HIVEP1: variants seen among roughly 807,000 people sequenced by gnomAD.
The protein encoded by HIVEP1 is zinc finger protein 40.
Under a neutral mutation model 180.0 loss-of-function variants are expected in HIVEP1, and 36 were observed. That is an observed-to-expected ratio of 0.20 (90% CI 0.15 to 0.26). HIVEP1 has a LOEUF of 0.26. Ranked by LOEUF, HIVEP1 falls within the 10% of genes least tolerant of loss-of-function variation. HIVEP1 has a pLI of 1.00. For synonymous variants in HIVEP1, 1,239 were observed against 1,239.0 expected, an observed-to-expected ratio of 1.00 and a Z score of 0.00; for missense variants, 3,143 against 3,268.7, an observed-to-expected ratio of 0.96 and a Z score of 0.94.
chr6:12,180,831 T>A, the HIVEP1 span, among the ~76,000 whole-genome samples: 7 of 152,324 alleles, frequency 4.6e-5, no homozygotes, highest in Admixed American at 4.6e-4. Flanking sequence ...TGGTAAAGGA[T>A]CTTTTATTGT....
chr6:12,122,860 G>C lies in HIVEP1; in HGVS notation c.3065G>C (p.Trp1022Ser). 6.2e-7 allele frequency: 1 copy of C among 1,614,162 alleles called. No homozygotes were observed. Among genetic ancestry groups the C allele is most frequent in the Non-Finnish European group, 8.5e-7 (1 of 1,180,026 alleles). ...HYRVAGSSGI[W>S]EQTPQIRKRR... ...AGAGTCGCTGGGTCCTCCGGCATCT[G>C]GGAACAGACGCCCCAGATAAGAAAA... is the stretch of plus-strand genomic sequence containing the variant. The change falls in exon 4 of 9, where the codon TGG (tryptophan) becomes TCG (serine). Residue 1022 changes from tryptophan to serine, a missense_variant. Trp to Ser is a radical substitution (Grantham distance 177). Coordinates refer to ENST00000379388, the MANE Select transcript of HIVEP1 (RefSeq NM_002114.4).
chr6:12,095,808 A>G (rs571842525), intron 3 of HIVEP1, among the ~76,000 whole-genome samples: 3 of 152,084 alleles, frequency 2.0e-5, no homozygotes, highest in Non-Finnish European at 2.9e-5. Context: ...AATCAAGCCC[A>G]TGTCTTGGAC....
chr6:12,161,453 T>G lies in HIVEP1; in HGVS notation c.6502T>G (p.Phe2168Val). ...DTEESDEKQR[F>V]SYERSGYDLE... Reference sequence around the variant, plus strand: ...GTTTTTATTAGATGAAAAACAGAGATTCAGTTATGAGCGATCTGGATATGA... The same window carrying G: ...GTTTTTATTAGATGAAAAACAGAGAGTCAGTTATGAGCGATCTGGATATGA... Residue 2168 changes from phenylalanine (F) to valine (V), a missense_variant, in exon 8 of 9, where the codon TTC becomes GTC. This residue lies in a region of HIVEP1 where 126 missense variants were observed against 168.5 expected (regional missense o/e 0.75). Transcript: ENST00000379388. 1 of 1,610,342 alleles carries G rather than the reference T, an allele frequency of 6.2e-7. No individual in the cohort carries two copies. The highest frequency in any genetic ancestry group is 8.5e-7 in the Non-Finnish European group (1 of 1,177,048).
chr6:12,099,966 T>C (rs565671699), intron 3 of HIVEP1, among the ~76,000 whole-genome samples: 13 of 152,368 alleles, frequency 8.5e-5, no homozygotes, highest in Admixed American at 8.5e-4. Flanking sequence ...GTTCCTTCTT[T>C]AACAGCTCCA....
intron 2 of HIVEP1, among the ~76,000 whole-genome samples, chr6:12,051,701 G>A (rs2113720017): frequency 7.0e-6 from 1 of 141,934 alleles, no homozygotes; most frequent in South Asian, 2.3e-4. Flanking sequence ...GGGGAGGGTG[G>A]TACATGAATG....
chr6:12,188,208 G>A, the HIVEP1 span, among the ~76,000 whole-genome samples: 3 of 152,096 alleles, frequency 2.0e-5, no homozygotes, highest in Non-Finnish European at 4.4e-5. Context: ...ACAACCAAAT[G>A]GGGTTCATAC....
chr6:12,124,055 T>A lies in HIVEP1; in HGVS notation c.4260T>A (p.Pro1420=). The A allele has an allele frequency of 6.2e-7, 1 of 1,614,068 alleles. No homozygotes were observed. Among genetic ancestry groups the A allele is most frequent in the East Asian group, 2.2e-5 (1 of 44,884 alleles). ...GAGTGGGAGTGACTGGGCATGTGCC[T>A]CTCTTAGAAAGAAGGAGAGGCCCAC... ...PSRVGVTGHV[P]LLERRRGPLV... The change falls in exon 4 of 9, where the codon CCT becomes CCA. Residue 1420 remains proline (P), a synonymous_variant. Transcript: ENST00000379388.
At position 12,015,517 on chromosome 6, in the gene HIVEP1, C is replaced by T. The variant is rs1767684352; in HGVS notation, c.-103-9C>T. Reference sequence around the variant, plus strand: ...GTAAAATGTGCTTCTCCGTTTTTTTCTTTTTCAGCACATGGATTAATTGAT... The same window carrying T: ...GTAAAATGTGCTTCTCCGTTTTTTTTTTTTTCAGCACATGGATTAATTGAT... On this transcript the variant is annotated splice_polypyrimidine_tract_variant and intron_variant, in intron 1 of 8. Transcript: ENST00000379388. 1.5e-5 allele frequency: 13 copies of T among 860,052 alleles called. No individual in the cohort carries two copies. The highest frequency in any genetic ancestry group is 9.2e-5 in the Admixed American group (4 of 43,362). 53.3% of individuals were successfully genotyped at this position (860,052 alleles called of 1,614,324 possible).
At chr6:12,175,403 G>T in the HIVEP1 span, among the ~76,000 whole-genome samples, 1 of 152,190 alleles carries the variant, frequency 6.6e-6, no homozygotes, top group African/African-American at 2.4e-5. Flanking sequence ...GATAAAAACA[G>T]ATAATATGCA....
chr6:12,205,755 T>C, the HIVEP1 span, among the ~76,000 whole-genome samples: 4 of 152,208 alleles, frequency 2.6e-5, no homozygotes, highest in East Asian at 7.7e-4. Flanking sequence ...TAAAATGTAC[T>C]AGATAATTAT....
chr6:12,037,754 G>A (rs1308576584), intron 2 of HIVEP1: 1 of 437,592 alleles, frequency 2.3e-6, no homozygotes, highest in Non-Finnish European at 4.1e-6. Flanking sequence ...AGGCTGGAGT[G>A]CAGTGGTGTA....
chr6:12,167,539 A>G (rs918106557), downstream of HIVEP1, among the ~76,000 whole-genome samples: 3 of 131,140 alleles, frequency 2.3e-5, no homozygotes, highest in South Asian at 2.3e-4. Flanking sequence ...ATATATTTGT[A>G]TATATATAAT....
the HIVEP1 span, among the ~76,000 whole-genome samples, chr6:12,170,505 C>A: frequency 5.9e-5 from 9 of 152,170 alleles, no homozygotes; most frequent in Non-Finnish European, 1.0e-4. Context: ...GGAGAGGCTG[C>A]AACTCACAGA....
At chr6:12,105,983 TACATATATACATATATATATAC>T (rs1276030919) in intron 3 of HIVEP1, among the ~76,000 whole-genome samples, 1 of 151,464 alleles carries the variant, frequency 6.6e-6, no homozygotes, top group Non-Finnish European at 1.5e-5. Flanking sequence ...ATTTACTAAG[TACATATATACATATATATATAC>T]ACATATATAC....
intron 2 of HIVEP1, among the ~76,000 whole-genome samples, chr6:12,086,214 C>T (rs1243644469): frequency 1.3e-5 from 2 of 152,172 alleles, no homozygotes; most frequent in Middle Eastern, 6.8e-3. Flanking sequence ...GATCCATTCA[C>T]GTGTTTGCTG....
rs181136269 is a variant in HIVEP1 at position 12,093,818 on chromosome 6, A to G, written c.94+4581A>G. ...ATATATACAGTGTGCAATAACTAGT[A>G]TATACTATATACAGTAGGGCAGATT... On this transcript the variant is annotated intron_variant, in intron 3 of 8. Coordinates refer to ENST00000379388, the MANE Select transcript of HIVEP1 (RefSeq NM_002114.4). 5.3e-5 allele frequency among the ~76,000 whole-genome samples: 8 copies of G among 152,206 alleles called. No homozygotes were observed. The East Asian group carries it at 1.5e-3, about 29-fold the overall frequency.
the HIVEP1 span, among the ~76,000 whole-genome samples, chr6:12,197,997 G>A: frequency 6.6e-6 from 1 of 152,226 alleles, no homozygotes; most frequent in Non-Finnish European, 1.5e-5. Flanking sequence ...TTGGCTGGAC[G>A]TGGGTGTCAC....
chr6:12,175,263 G>C, the HIVEP1 span, among the ~76,000 whole-genome samples: 1 of 152,044 alleles, frequency 6.6e-6, no homozygotes, highest in East Asian at 1.9e-4. Flanking sequence ...CAAAACATTA[G>C]CTTAATTTTT....
chr6:12,182,607 G>C, the HIVEP1 span, among the ~76,000 whole-genome samples: 3 of 152,184 alleles, frequency 2.0e-5, no homozygotes, highest in Admixed American at 2.0e-4. Flanking sequence ...ATGTGACATA[G>C]TGATTGAGTC....
Sources: gnomAD v4.1 joint callset for allele counts (sites outside exome capture counted in the v4.1 genomes callset) on GRCh38, gnomAD v4.1.1 for gene constraint, gnomAD v4.1.1 regional missense constraint, MANE v1.5 for transcripts, NCBI Gene and HGNC (gene_info 2026-07-23, HGNC 2026-07-21) for gene names.